COL4A5: variants seen among roughly 807,000 people sequenced by gnomAD.
COL4A5 encodes collagen alpha-5(IV) chain.
A neutral mutation model predicts 130.2 loss-of-function variants in COL4A5; 26 were observed. The ratio of observed to expected loss-of-function variants is 0.20; its 90% confidence interval spans 0.15 to 0.28. The LOEUF is 0.28. COL4A5 is among the 10% of genes least tolerant of loss of function. COL4A5 has a pLI of 1.00. For missense variants in COL4A5, 1,131 were observed against 1,344.3 expected (o/e 0.84, Z 2.48); for synonymous variants, 496 against 439.6 (o/e 1.13, Z -1.60).
intron 10 of COL4A5, among the ~76,000 whole-genome samples, chrX:108,577,735 T>C (rs1272701816): frequency 9.0e-6 from 1 of 111,326 alleles, no homozygotes; most frequent in Non-Finnish European, 1.9e-5. Flanking sequence ...TCCCAGCTTT[T>C]TTCTCTTGCC....
At chrX:108,603,110 C>T (rs1188050195) in intron 28 of COL4A5, 49 bp downstream of exon 28, 1 of 833,248 alleles carries the variant, frequency 1.2e-6, no homozygotes, top group South Asian at 2.2e-5. Flanking sequence ...TCTTTCCCAC[C>T]TTCCTTATTT....
intron 30 of COL4A5, among the ~76,000 whole-genome samples, chrX:108,616,212 G>A (rs1253832098): frequency 3.6e-5 from 4 of 109,643 alleles, no homozygotes. Context: ...GGTTTGACCT[G>A]CTGTTTTTTT....
chrX:108,559,768 T>C, intron 3 of COL4A5, among the ~76,000 whole-genome samples: 1 of 111,978 alleles, frequency 8.9e-6, no homozygotes, highest in East Asian at 2.8e-4. Flanking sequence ...TATGGTTTCT[T>C]TCTCCTCTCA....
intron 37 of COL4A5, 142 bp from the exon 38 acceptor site, chrX:108,665,365 T>C (rs1297893525): frequency 4.3e-6 from 2 of 461,302 alleles, no homozygotes; most frequent in Admixed American, 7.9e-5. Context: ...TTATTAAAAA[T>C]AGCCAACAAA....
At chrX:108,478,286 T>C (rs2147521538) in intron 1 of COL4A5, among the ~76,000 whole-genome samples, 1 of 111,106 alleles carries the variant, frequency 9.0e-6, no homozygotes, top group Admixed American at 9.5e-5. Flanking sequence ...TTTAATGGAA[T>C]TGTTGTTGTG....
Position 108,563,879 on chromosome X carries a change from C to T in COL4A5, c.232-3C>T. The stretch of plus-strand genomic sequence containing the variant: ...AAAAACCTAAAAATATTGCATTTTT[C>T]AGGGTGATGATGGAATTCCAGGGCC... On this transcript the variant is annotated splice_region_variant and splice_polypyrimidine_tract_variant and intron_variant, in intron 3 of 52. Transcript: ENST00000328300. 1 of 1,204,601 alleles carries T rather than the reference C, an allele frequency of 8.3e-7. No individual in the cohort carries two copies. The highest frequency in any genetic ancestry group is 1.8e-5 in the South Asian group (1 of 56,089).
chrX:108,492,004 G>T (rs2064997437), intron 1 of COL4A5, among the ~76,000 whole-genome samples: 1 of 111,494 alleles, frequency 9.0e-6, no homozygotes, highest in Admixed American at 9.6e-5. Context: ...AAAAAGTCTG[G>T]GAAATGAGAT....
At chrX:108,485,220 G>A (rs2064932552) in intron 1 of COL4A5, among the ~76,000 whole-genome samples, 1 of 111,973 alleles carries the variant, frequency 8.9e-6, no homozygotes, top group African/African-American at 3.2e-5. Flanking sequence ...TTGTCCCAGG[G>A]CAGGTCCCAA....
At chrX:108,607,999 A>G (rs2147835652) in intron 29 of COL4A5, among the ~76,000 whole-genome samples, 1 of 111,889 alleles carries the variant, frequency 8.9e-6, no homozygotes, top group African/African-American at 3.2e-5. Context: ...GATTTTTGCC[A>G]ATCATTTATT....
chrX:108,685,087 A>G (rs1013660710), intron 47 of COL4A5, among the ~76,000 whole-genome samples: 1 of 112,288 alleles, frequency 8.9e-6, no homozygotes, highest in Non-Finnish European at 1.9e-5. Context: ...TAAAGTAGGT[A>G]TTGATGGAAC....
chrX:108,452,320 T>C (rs2147472580), intron 1 of COL4A5, among the ~76,000 whole-genome samples: 1 of 111,904 alleles, frequency 8.9e-6, no homozygotes, highest in South Asian at 3.8e-4. Context: ...TCTTTTTTGG[T>C]TCCATATGAA....
At chrX:108,610,459 A>G (rs773057505) in intron 29 of COL4A5, among the ~76,000 whole-genome samples, 11 of 112,119 alleles carry the variant, frequency 9.8e-5, no homozygotes, top group Non-Finnish European at 2.1e-4. Context: ...TGACTAAACA[A>G]TTCAGGCCAG....
chrX:108,511,099 A>G (rs973272782), intron 1 of COL4A5, among the ~76,000 whole-genome samples: 14 of 111,692 alleles, frequency 1.3e-4, no homozygotes, highest in African/African-American at 4.2e-4. Context: ...AGATTCACCA[A>G]TTTTTAATAT....
At chrX:108,631,104 G>A (rs995272170) in intron 36 of COL4A5, among the ~76,000 whole-genome samples, 3 of 111,567 alleles carry the variant, frequency 2.7e-5, no homozygotes, top group African/African-American at 9.8e-5. Flanking sequence ...CTCCAGCTTT[G>A]TTCTTTTGGC....
At chrX:108,492,809 A>G (rs1207084480) in intron 1 of COL4A5, among the ~76,000 whole-genome samples, 1 of 111,692 alleles carries the variant, frequency 9.0e-6, no homozygotes, top group Non-Finnish European at 1.9e-5. Context: ...CTCATTTCCT[A>G]TGAGCAAATG....
intron 1 of COL4A5, among the ~76,000 whole-genome samples, chrX:108,457,184 G>T (rs949365354): frequency 8.9e-6 from 1 of 112,105 alleles, no homozygotes; most frequent in Non-Finnish European, 1.9e-5. Flanking sequence ...AAGTCTTTGG[G>T]TAGACAAATG....
intron 1 of COL4A5, among the ~76,000 whole-genome samples, chrX:108,510,810 A>T (rs911528116): frequency 1.8e-5 from 2 of 111,116 alleles, no homozygotes; most frequent in Admixed American, 1.9e-4. Flanking sequence ...TTTACTGTCT[A>T]TGTACTTTTC....
chrX:108,483,664 T>G (rs1321955223), intron 1 of COL4A5, among the ~76,000 whole-genome samples: 1 of 112,063 alleles, frequency 8.9e-6, no homozygotes, highest in East Asian at 2.8e-4. Flanking sequence ...ATTATATGGT[T>G]GCTCTATCTT....
chrX:108,686,191 A>G, intron 48 of COL4A5, 62 bp downstream of exon 48: 1 of 875,091 alleles, frequency 1.1e-6, no homozygotes, highest in Non-Finnish European at 1.7e-6. Flanking sequence ...AGACCTCTGG[A>G]CATAGGGCCT....
Sources: gnomAD v4.1 joint callset for allele counts (sites outside exome capture counted in the v4.1 genomes callset) on GRCh38, gnomAD v4.1.1 for gene constraint, MANE v1.5 for transcripts, NCBI Gene and HGNC (gene_info 2026-07-23, HGNC 2026-07-21) for gene names.